Variants in EXOSC10 observed in about 807,000 individuals in gnomAD.
EXOSC10 encodes exosome complex component 10.
Under a neutral mutation model 126.6 loss-of-function variants are expected in EXOSC10, and 94 were observed. The ratio of observed to expected loss-of-function variants is 0.74; its 90% CI spans 0.63 to 0.88. The LOEUF is 0.88. EXOSC10 is among the 40% of genes least tolerant of loss of function. The pLI is 0.00. For synonymous variants in EXOSC10, 395 were observed against 400.8 expected (o/e 0.99, Z 0.17); for missense variants, 1,041 against 1,100.5 (o/e 0.95, Z 0.77).
At chr1:11,091,458 C>T (rs954404379) in intron 4 of EXOSC10, 35 bp downstream of exon 4, 1 of 1,548,302 alleles carries the variant, frequency 6.5e-7, no homozygotes, top group Non-Finnish European at 8.9e-7. Context: ...ATGAAGCTGA[C>T]ATCAAGAGCT....
intron 1 of EXOSC10, among the ~76,000 whole-genome samples, 186 bp from the exon 2 acceptor site, chr1:11,098,342 G>T (rs1381877352): frequency 6.6e-6 from 1 of 152,158 alleles, no homozygotes; most frequent in Non-Finnish European, 1.5e-5. Flanking sequence ...ACCAAGTTTG[G>T]AGCTTATATT....
intron 9 of EXOSC10, among the ~76,000 whole-genome samples, chr1:11,086,983 A>C (rs1284360700): frequency 6.6e-6 from 1 of 152,234 alleles, no homozygotes; most frequent in Non-Finnish European, 1.5e-5. Flanking sequence ...GCAGAACTGA[A>C]GGAAATAGAG....
chr1:11,074,578 A>G (rs977069346), intron 17 of EXOSC10, among the ~76,000 whole-genome samples: 10 of 151,888 alleles, frequency 6.6e-5, no homozygotes, highest in African/African-American at 2.4e-4. Context: ...ATGCCCAGCT[A>G]ATTTTTGTAT....
intron 2 of EXOSC10, among the ~76,000 whole-genome samples, chr1:11,097,365 G>A (rs553211484): frequency 6.6e-6 from 1 of 151,314 alleles, no homozygotes; most frequent in Non-Finnish European, 1.5e-5. Flanking sequence ...GTGATGGAGC[G>A]AGACTCCATC....
At chr1:11,090,917 G>A in intron 5 of EXOSC10, 97 bp downstream of exon 5, 1 of 1,256,318 alleles carries the variant, frequency 8.0e-7, no homozygotes, top group South Asian at 1.4e-5. Context: ...AGGAGGGTGG[G>A]CTCCCTTTGA....
chr1:11,080,652 C>T, intron 12 of EXOSC10, 103 bp from the exon 13 acceptor site: 1 of 1,602,650 alleles, frequency 6.2e-7, no homozygotes, highest in Non-Finnish European at 8.5e-7. Flanking sequence ...TAGATGCTGT[C>T]ACATAGGGGA....
At chr1:11,078,593 CAAAAG>C (rs767346884) in intron 14 of EXOSC10, among the ~76,000 whole-genome samples, 4 of 152,118 alleles carry the variant, frequency 2.6e-5, no homozygotes, top group Non-Finnish European at 5.9e-5. Context: ...ACAAAAAAAA[CAAAAG>C]AAAACTGGCT....
chr1:11,098,369 G>A (rs965550468), intron 1 of EXOSC10, among the ~76,000 whole-genome samples: 1 of 152,202 alleles, frequency 6.6e-6, no homozygotes, highest in African/African-American at 2.4e-5. Flanking sequence ...AGAGTTGAGA[G>A]ACAGAATACA....
chr1:11,073,877 CAAA>C (rs770965502), intron 19 of EXOSC10, 54 bp downstream of exon 19: 2,260 of 531,584 alleles, frequency 4.3e-3, no homozygotes, highest in Middle Eastern at 6.5e-3. Context: ...GACTCCATCT[CAAA>C]AAAAAAAAAA....
intron 2 of EXOSC10, 108 bp from the exon 3 acceptor site, chr1:11,095,989 T>C (rs963149208): frequency 5.2e-5 from 13 of 249,658 alleles, no homozygotes; most frequent in African/African-American, 3.1e-4. Context: ...CCAACACATC[T>C]TTTTTTTTTT....
At chr1:11,096,377 T>G (rs1390322240) in intron 2 of EXOSC10, among the ~76,000 whole-genome samples, 1 of 151,618 alleles carries the variant, frequency 6.6e-6, no homozygotes, top group African/African-American at 2.4e-5. Context: ...TCTCGAACTC[T>G]TGACCTGAAG....
rs376378931 is a variant in EXOSC10, at chr1:11,072,078, G to C, written c.2242+9C>G. On this transcript the variant is annotated intron_variant, in intron 20 of 24. Coordinates refer to ENST00000376936, the MANE Select transcript of EXOSC10 (RefSeq NM_001001998.3). ...ACAGCCGACTGAGTTGCAAGGAAGT[G>C]AGTGTTACCTGTTTGCTCAGCTGCC... The C allele has an allele frequency of 6.2e-7, 1 of 1,608,184 alleles. No homozygotes were observed. The highest frequency in any genetic ancestry group is 1.3e-5 in the African/African-American group (1 of 74,676).
chr1:11,083,704 G>C (rs1640319587), intron 9 of EXOSC10, among the ~76,000 whole-genome samples: 1 of 151,678 alleles, frequency 6.6e-6, no homozygotes, highest in Non-Finnish European at 1.5e-5. Flanking sequence ...GTATACATGT[G>C]CCATGCTGGT....
intron 6 of EXOSC10, among the ~76,000 whole-genome samples, chr1:11,089,718 C>G (rs1206782562): frequency 1.3e-5 from 2 of 151,990 alleles, no homozygotes; most frequent in African/African-American, 4.8e-5. Flanking sequence ...AACCCCCAAC[C>G]CTTTGGGAGG....
intron 9 of EXOSC10, among the ~76,000 whole-genome samples, chr1:11,083,798 C>A (rs149233783): frequency 0.029 from 3,185 of 110,138 alleles, no homozygotes; most frequent in South Asian, 0.035. Context: ...CCACAACAGT[C>A]CCCAGAGTGT....
intron 17 of EXOSC10, 82 bp from the exon 18 acceptor site, chr1:11,074,408 C>T: frequency 1.0e-6 from 1 of 1,001,826 alleles, no homozygotes; most frequent in East Asian, 2.4e-5. Context: ...CAACAGTTAA[C>T]AGTGATTTTT....
intron 1 of EXOSC10, among the ~76,000 whole-genome samples, 186 bp from the exon 2 acceptor site, chr1:11,098,342 G>C (rs1381877352): frequency 6.6e-6 from 1 of 152,158 alleles, no homozygotes; most frequent in Admixed American, 6.6e-5. Flanking sequence ...ACCAAGTTTG[G>C]AGCTTATATT....
chr1:11,096,467 CTTTCTTTTTTT>C (rs1468838215), intron 2 of EXOSC10, among the ~76,000 whole-genome samples: 1 of 129,728 alleles, frequency 7.7e-6, no homozygotes, highest in Non-Finnish European at 1.6e-5. Context: ...TTCTTTCTTT[CTTTCTTTTTTT>C]TTTTTTTTTT....
At position 11,091,021 on chromosome 1, in the gene EXOSC10, G is replaced by A; in HGVS notation, c.636C>T (p.Leu212=). 2 of 1,613,722 alleles carry A rather than the reference G, an allele frequency of 1.2e-6. No homozygotes were observed. The highest frequency in any genetic ancestry group is 1.7e-6 in the Non-Finnish European group (2 of 1,179,852). ...AAAGTATGCACTATTTACCTTGAGG[G>A]AGAGGTTTCTGAGCATTGGGTTTGA... The part of the protein sequence containing the change: ...IFIKPNAQKP[L]PQALSKERRE... The change falls in exon 5 of 25, where the codon CTC becomes CTT. Residue 212 remains leucine, a synonymous_variant. Coordinates refer to ENST00000376936, the MANE Select transcript of EXOSC10 (RefSeq NM_001001998.3).
Sources: gnomAD v4.1 joint callset for allele counts (sites outside exome capture counted in the v4.1 genomes callset) on GRCh38, gnomAD v4.1.1 for gene constraint, MANE v1.5 for transcripts, NCBI Gene and HGNC (gene_info 2026-07-23, HGNC 2026-07-21) for gene names.